The following VAV1 variants were observed in gnomAD, a reference collection of about 807,000 sequenced individuals.
The protein encoded by VAV1 is vav guanine nucleotide exchange factor 1.
A neutral mutation model predicts 128.1 loss-of-function variants in VAV1; 33 were observed. The ratio of observed to expected loss-of-function variants is 0.26; its 90% CI spans 0.20 to 0.34. The LOEUF is 0.34. Ranked by LOEUF, VAV1 falls within the 10% of genes least tolerant of loss-of-function variation. The pLI, the probability that VAV1 is intolerant of heterozygous loss-of-function variation, is 1.00. For missense variants in VAV1, 715 were observed against 1,093.7 expected, an observed-to-expected ratio of 0.65 and a Z score of 4.88; for synonymous variants, 394 against 409.8, an observed-to-expected ratio of 0.96 and a Z score of 0.47.
chr19:6,842,947 T>C (rs1271722090), intron 21 of VAV1, among the ~76,000 whole-genome samples, 188 bp from the exon 22 acceptor site: 1 of 152,180 alleles, frequency 6.6e-6, no homozygotes, highest in Non-Finnish European at 1.5e-5. Flanking sequence ...CTTTATATGA[T>C]ACTGGGGCAG....
rs1971754430 is a variant in VAV1 at position 6,820,450 on chromosome 19, G to A, written c.205-252G>A. On this transcript the variant is annotated intron_variant, in intron 1 of 26. Transcript: ENST00000602142. The surrounding 1 kb of genome is among the most constrained non-coding windows in gnomAD (Gnocchi z 4.4). ...ATGGCTGAATAATATTCCATTGTAT[G>A]GATATACCACATTTGTTTAACCGTT... Among the ~76,000 whole-genome samples, 1 of 152,070 alleles carries A rather than the reference G, an allele frequency of 6.6e-6. No homozygotes were observed. Among genetic ancestry groups the A allele is most frequent in the Non-Finnish European group, 1.5e-5 (1 of 68,008 alleles).
intron 14 of VAV1, among the ~76,000 whole-genome samples, chr19:6,830,174 T>C (rs890042120): frequency 1.3e-5 from 2 of 152,178 alleles, no homozygotes; most frequent in African/African-American, 2.4e-5. Flanking sequence ...TTCTCCTGGC[T>C]CAGTCTCCCG....
chr19:6,823,622 TTGTCTCTC>T (rs1024428094), intron 6 of VAV1, among the ~76,000 whole-genome samples: 1 of 151,704 alleles, frequency 6.6e-6, no homozygotes, highest in Non-Finnish European at 1.5e-5. Flanking sequence ...CCTCTTCCTC[TTGTCTCTC>T]TGTCTCTCTC....
At chr19:6,856,730 GAA>G (rs1222535432) in intron 26 of VAV1, among the ~76,000 whole-genome samples, 5 of 68,900 alleles carry the variant, frequency 7.3e-5, no homozygotes, top group African/African-American at 2.5e-4. Context: ...TCTCAAAAAA[GAA>G]AAAAAAAAAA....
rs778321882 is a variant in VAV1 at position 6,833,610 on chromosome 19, G to A, written c.1693G>A (p.Gly565Ser). 6 of 1,613,910 alleles carry A rather than the reference G, an allele frequency of 3.7e-6. No individual in the cohort carries two copies. The highest frequency in any genetic ancestry group is 1.1e-5 in the South Asian group (1 of 91,060). ...GTGTCTGGGGAGGGTCCCTCCATGT[G>A]GCCGACATGGGCAAGGTACGAGTGG... ...KECLGRVPPC[G>S]RHGQDFPGTM... The change falls in exon 17 of 27, where the codon GGC (glycine) becomes AGC (serine). Residue 565 changes from glycine (G) to serine (S), a missense_variant. Around this residue, in one of 3 missense-constraint regions of VAV1, gnomAD observed 407 missense variants for 580.6 expected, o/e 0.70. Transcript: ENST00000602142.
At position 6,806,263 on chromosome 19, in the gene VAV1, T is replaced by C. The variant is rs531759939; in HGVS notation, c.205-14439T>C. On this transcript the variant is annotated intron_variant, in intron 1 of 26. Transcript: ENST00000602142. ...CACCACGCCCAGCTAATTTTTGTAT[T>C]TTTAGTAGAAACGGGGTTTCACCAT... 6.1e-4 allele frequency among the ~76,000 whole-genome samples: 93 copies of C among 152,226 alleles called. 1 individual carries two copies. Among genetic ancestry groups the C allele is most frequent in the African/African-American group, 2.2e-3 (91 of 41,538 alleles).
chr19:6,793,566 G>A (rs977576982), intron 1 of VAV1, among the ~76,000 whole-genome samples: 4 of 151,684 alleles, frequency 2.6e-5, no homozygotes, highest in African/African-American at 7.2e-5. Flanking sequence ...AAATGTGCAG[G>A]ACCCAGTGCT....
At chr19:6,839,987 C>T (rs147606199) in intron 21 of VAV1, among the ~76,000 whole-genome samples, 284 of 152,272 alleles carry the variant, frequency 1.9e-3, no homozygotes, top group African/African-American at 6.0e-3. Context: ...CCGCCATGCC[C>T]GGCCAACATA....
Position 6,828,803 on chromosome 19 carries a change from C to A in VAV1, c.1180-12C>A. 6.2e-7 allele frequency: 1 copy of A among 1,614,146 alleles called. No individual in the cohort carries two copies. Among genetic ancestry groups the A allele is most frequent in the Non-Finnish European group, 8.5e-7 (1 of 1,180,008 alleles). ...TGGGAGACCCTTGCTAGACCCCCTG[C>A]CTACTGCATAGGACCAGTCTCTGGC... is the stretch of plus-strand genomic sequence containing the variant. On this transcript the variant is annotated splice_polypyrimidine_tract_variant and intron_variant, in intron 12 of 26. Coordinates refer to ENST00000602142, the MANE Select transcript of VAV1 (RefSeq NM_005428.4). The surrounding 1 kb of genome is among the most constrained non-coding windows in gnomAD (Gnocchi z 4.5).
In VAV1 at chr19:6,805,583, T is replaced by C. The variant is rs369673425; in HGVS notation, c.205-15119T>C. 4.3e-5 allele frequency among the ~76,000 whole-genome samples: 6 copies of C among 139,006 alleles called. No individual in the cohort carries two copies. In the South Asian group the frequency reaches 9.6e-4, roughly 22 times the overall value. The allele number at this position is 139,006 out of a possible 152,430, so 91.2% of individuals were successfully genotyped here. A position where few individuals can be genotyped will look rare whatever the true frequency, so the allele number is the denominator to read the frequency against. On this transcript the variant is annotated intron_variant, in intron 1 of 26. Transcript: ENST00000602142. The stretch of plus-strand genomic sequence containing the variant: ...ATAGTGAGACCCTCATTTCTACAGA[T>C]ACACACACACACACACACACACACA...
At chr19:6,780,673 GA>G (rs1970750819) in intron 1 of VAV1, among the ~76,000 whole-genome samples, 1 of 147,984 alleles carries the variant, frequency 6.8e-6, no homozygotes, top group Admixed American at 6.8e-5. Context: ...CTGGGTTCAA[GA>G]GATTCTCCTG....
chr19:6,849,072 C>T (rs996306104), intron 23 of VAV1, among the ~76,000 whole-genome samples: 26 of 150,180 alleles, frequency 1.7e-4, no homozygotes, highest in Admixed American at 1.3e-3. Context: ...AGGTGTGAGC[C>T]ACTACATCCC....
chr19:6,832,557 CTCTCCTTCCTCCCCTTCCTCCTCCTCG>C (rs1972092714), intron 15 of VAV1, among the ~76,000 whole-genome samples: 1 of 86,744 alleles, frequency 1.2e-5, no homozygotes, highest in South Asian at 4.8e-4. Flanking sequence ...CTTCCTCCTC[CTCTCCTTCCTCCCCTTCCTCCTCCTCG>C]CCCTCCTCTT....
At chr19:6,855,118 A>G (rs934518445) in intron 26 of VAV1, among the ~76,000 whole-genome samples, 14 of 152,162 alleles carry the variant, frequency 9.2e-5, no homozygotes, top group African/African-American at 3.4e-4. Flanking sequence ...TCTTTATTTC[A>G]TCCACTGATG....
intron 21 of VAV1, among the ~76,000 whole-genome samples, chr19:6,839,988 G>A (rs935365477): frequency 8.5e-5 from 13 of 152,124 alleles, no homozygotes; most frequent in African/African-American, 2.4e-5. Context: ...CGCCATGCCC[G>A]GCCAACATAA....
At chr19:6,847,431 TCTCTCAC>T (rs928470098) in intron 22 of VAV1, among the ~76,000 whole-genome samples, 4 of 152,144 alleles carry the variant, frequency 2.6e-5, no homozygotes, top group Admixed American at 2.6e-4. Flanking sequence ...GTGCCTGGCT[TCTCTCAC>T]TGAGTGTGAT....
At position 6,832,101 on chromosome 19, in the gene VAV1, T is replaced by C. The variant is rs764580249; in HGVS notation, c.1409T>C (p.Met470Thr). 6.2e-7 allele frequency: 1 copy of C among 1,614,136 alleles called. No individual in the cohort carries two copies. Among genetic ancestry groups the C allele is most frequent in the South Asian group, 1.1e-5 (1 of 91,086 alleles). Residue 470 changes from methionine to threonine, a missense_variant, in exon 15 of 27, where the codon ATG becomes ACG. This residue lies in a region of VAV1 where 407 missense variants were observed against 580.6 expected (regional missense o/e 0.70). Transcript: ENST00000602142. The part of the protein sequence containing the change: ...GDRDNKKWSH[M>T]FLLIEDQGAQ... ...TCTGCTTCCCTGCAGTGGAGCCACA[T>C]GTTCCTCCTGATCGAGGACCAAGGT...
intron 23 of VAV1, among the ~76,000 whole-genome samples, chr19:6,848,374 G>A (rs894360471): frequency 2.6e-5 from 4 of 151,630 alleles, no homozygotes; most frequent in African/African-American, 7.3e-5. Context: ...TCCCTCTGTC[G>A]CCCTGACCTT....
At chr19:6,804,784 C>T (rs539017091) in intron 1 of VAV1, among the ~76,000 whole-genome samples, 26 of 143,750 alleles carry the variant, frequency 1.8e-4, no homozygotes, top group South Asian at 9.0e-4. Flanking sequence ...AGTGCAGTGG[C>T]GCAATCTTGG....
Sources: gnomAD v4.1 joint callset for allele counts (sites outside exome capture counted in the v4.1 genomes callset) on GRCh38, gnomAD v4.1.1 for gene constraint, gnomAD v4.1.1 regional missense constraint, Gnocchi (gnomAD v3.1) non-coding constraint, MANE v1.5 for transcripts, NCBI Gene and HGNC (gene_info 2026-07-23, HGNC 2026-07-21) for gene names.